ZNF438: variants seen among roughly 807,000 people sequenced by gnomAD.
ZNF438 encodes zinc finger protein 438.
Under a neutral mutation model 38.0 loss-of-function variants are expected in ZNF438, and 25 were observed. That is an observed-to-expected ratio of 0.66 (90% CI 0.48 to 0.92). The LOEUF (loss-of-function observed/expected upper bound fraction) is 0.92, where lower values mean the gene tolerates loss of function less well. Ranked by LOEUF, ZNF438 falls within the 40% of genes least tolerant of loss-of-function variation. The pLI is 0.00. For synonymous variants in ZNF438, 372 were observed against 364.1 expected, an observed-to-expected ratio of 1.02 and a Z score of -0.25; for missense variants, 1,007 against 999.6, an observed-to-expected ratio of 1.01 and a Z score of -0.10.
chr10:30,921,680 T>C (rs3006603), intron 2 of ZNF438, among the ~76,000 whole-genome samples: 126,003 of 152,152 alleles, frequency 0.83, 52,661 homozygotes, highest in African/African-American at 0.94. Flanking sequence ...GTTGGGTCTA[T>C]GATTATGCGT....
At chr10:30,979,949 G>C (rs2051913444) in intron 1 of ZNF438, among the ~76,000 whole-genome samples, 1 of 152,192 alleles carries the variant, frequency 6.6e-6, no homozygotes, top group African/African-American at 2.4e-5. Flanking sequence ...ACATGTGCTA[G>C]AGAGTCTTGG....
intron 1 of ZNF438, among the ~76,000 whole-genome samples, chr10:30,956,309 ATG>A (rs1217979733): frequency 6.6e-6 from 1 of 152,248 alleles, no homozygotes; most frequent in Non-Finnish European, 1.5e-5. Flanking sequence ...TTACGTAAAT[ATG>A]TGTGTGACCA....
At chr10:30,900,111 G>A (rs1177838675) in intron 3 of ZNF438, among the ~76,000 whole-genome samples, 2 of 152,018 alleles carry the variant, frequency 1.3e-5, no homozygotes, top group African/African-American at 4.8e-5. Flanking sequence ...AGTGTAGTAA[G>A]AAAACAGCTA....
intron 1 of ZNF438, among the ~76,000 whole-genome samples, chr10:31,009,213 T>TAG (rs1445736323): frequency 6.6e-6 from 1 of 152,230 alleles, no homozygotes. Context: ...ATACCTCATC[T>TAG]AACCTTAGTG....
intron 1 of ZNF438, among the ~76,000 whole-genome samples, chr10:31,025,613 A>C (rs2056888818): frequency 1.3e-5 from 2 of 152,206 alleles, no homozygotes; most frequent in Non-Finnish European, 2.9e-5. Context: ...AGTTATGGTT[A>C]AATTATTCCT....
chr10:31,007,562 T>TA (rs1295799892), intron 1 of ZNF438, among the ~76,000 whole-genome samples: 1 of 152,132 alleles, frequency 6.6e-6, no homozygotes, highest in Non-Finnish European at 1.5e-5. Flanking sequence ...TTACAGGCGT[T>TA]AGCCACCGCG....
intron 3 of ZNF438, among the ~76,000 whole-genome samples, chr10:30,888,203 ATTGCTTGT>A (rs372334676): frequency 1.3e-5 from 2 of 152,264 alleles, no homozygotes; most frequent in Non-Finnish European, 2.9e-5. Flanking sequence ...TTTAGAAGCA[ATTGCTTGT>A]TCTCCATAGT....
At chr10:30,845,908 C>A (rs985104641) in intron 5 of ZNF438, among the ~76,000 whole-genome samples, 3 of 152,192 alleles carry the variant, frequency 2.0e-5, no homozygotes, top group Non-Finnish European at 2.9e-5. Flanking sequence ...GCGTGAAGGG[C>A]ACGGGAACAC....
chr10:31,022,260 CT>C (rs57644959), intron 1 of ZNF438, among the ~76,000 whole-genome samples: 3 of 149,136 alleles, frequency 2.0e-5, no homozygotes, highest in Non-Finnish European at 4.5e-5. Context: ...AGCTTTCTTC[CT>C]TTTTTTTTTC....
At chr10:30,874,220 C>T (rs1028844698) in intron 4 of ZNF438, among the ~76,000 whole-genome samples, 1 of 149,626 alleles carries the variant, frequency 6.7e-6, no homozygotes, top group African/African-American at 2.4e-5. Context: ...ATGATCATAG[C>T]TCACTGCAGC....
intron 1 of ZNF438, among the ~76,000 whole-genome samples, chr10:30,972,361 G>C (rs2136242994): frequency 6.6e-6 from 1 of 152,232 alleles, no homozygotes; most frequent in East Asian, 1.9e-4. Flanking sequence ...AAAAACCTCT[G>C]CTTCTGTGCT....
chr10:30,877,888 A>T (rs1011510000), intron 3 of ZNF438, among the ~76,000 whole-genome samples: 12 of 152,234 alleles, frequency 7.9e-5, no homozygotes, highest in African/African-American at 2.7e-4. Context: ...TCTATTTAAA[A>T]TTTTAAATAT....
At chr10:30,889,376 A>G (rs2040384727) in intron 3 of ZNF438, among the ~76,000 whole-genome samples, 1 of 152,140 alleles carries the variant, frequency 6.6e-6, no homozygotes, top group Admixed American at 6.5e-5. Context: ...CATGCTGCTA[A>G]CGGGTTTGAT....
intron 1 of ZNF438, among the ~76,000 whole-genome samples, chr10:31,012,670 C>A (rs1026077983): frequency 6.6e-6 from 1 of 152,126 alleles, no homozygotes; most frequent in Admixed American, 6.5e-5. Flanking sequence ...GTTCTTAAAT[C>A]TGTTAAGCTC....
chr10:30,857,677 T>A, intron 4 of ZNF438: 1 of 1,509,840 alleles, frequency 6.6e-7, no homozygotes, highest in Non-Finnish European at 8.9e-7. Context: ...ATTTGCCACT[T>A]ACTATCCATA....
chr10:30,930,726 G>C (rs1255939782), intron 2 of ZNF438, among the ~76,000 whole-genome samples: 2 of 139,144 alleles, frequency 1.4e-5, no homozygotes, highest in African/African-American at 5.3e-5. Context: ...CGAAAAGCTT[G>C]AATCCAGGAG....
At chr10:30,950,157 A>G (rs1212278605) in intron 1 of ZNF438, among the ~76,000 whole-genome samples, 1 of 150,614 alleles carries the variant, frequency 6.6e-6, no homozygotes, top group Non-Finnish European at 1.5e-5. Context: ...TACTGGGTAC[A>G]TAACGAAATG....
intron 3 of ZNF438, among the ~76,000 whole-genome samples, chr10:30,878,558 C>A (rs984092442): frequency 6.6e-6 from 1 of 152,158 alleles, no homozygotes; most frequent in African/African-American, 2.4e-5. Flanking sequence ...TTGGGACCCA[C>A]TGGATGCAGG....
At chr10:30,921,846 C>T (rs1004296073) in intron 2 of ZNF438, among the ~76,000 whole-genome samples, 1 of 152,202 alleles carries the variant, frequency 6.6e-6, no homozygotes, top group African/African-American at 2.4e-5. Flanking sequence ...CAATACCGAT[C>T]TTTCTGAGAG....
Sources: gnomAD v4.1 joint callset for allele counts (sites outside exome capture counted in the v4.1 genomes callset) on GRCh38, gnomAD v4.1.1 for gene constraint, MANE v1.5 for transcripts, NCBI Gene and HGNC (gene_info 2026-07-23, HGNC 2026-07-21) for gene names.